Variants in ERBB4 observed in about 807,000 individuals in gnomAD.
ERBB4 encodes the protein erb-b2 receptor tyrosine kinase 4.
A neutral mutation model predicts 158.0 loss-of-function variants in ERBB4; 42 were observed. The ratio of observed to expected loss-of-function variants is 0.27; its 90% CI spans 0.21 to 0.34. ERBB4 has a LOEUF of 0.34. ERBB4 is among the 10% of genes least tolerant of loss of function. ERBB4 has a pLI of 1.00. For missense variants in ERBB4, 1,333 were observed against 1,624.1 expected, an observed-to-expected ratio of 0.82 and a Z score of 3.08; for synonymous variants, 583 against 558.7, an observed-to-expected ratio of 1.04 and a Z score of -0.61.
At chr2:212,125,107 G>T (rs2079882162) in intron 1 of ERBB4, 2 of 594,684 alleles carry the variant, frequency 3.4e-6, no homozygotes, top group Non-Finnish European at 6.0e-6. Context: ...GCTAATCACA[G>T]AGAGTAGGAA....
chr2:211,651,732 A>G (rs1265749350), intron 16 of ERBB4, among the ~76,000 whole-genome samples: 1 of 152,160 alleles, frequency 6.6e-6, no homozygotes, highest in Non-Finnish European at 1.5e-5. Context: ...GACAAGGAAT[A>G]CACATGGCTG....
chr2:211,505,819 G>T (rs1001975343), intron 20 of ERBB4, among the ~76,000 whole-genome samples: 1 of 152,034 alleles, frequency 6.6e-6, no homozygotes, highest in African/African-American at 2.4e-5. Context: ...AATTAGCTAG[G>T]CGTGGTAGTG....
At chr2:211,570,143 T>G (rs886683833) in intron 19 of ERBB4, among the ~76,000 whole-genome samples, 1 of 151,972 alleles carries the variant, frequency 6.6e-6, no homozygotes, top group African/African-American at 2.4e-5. Flanking sequence ...TATTTTTGTG[T>G]TTTTTATGTT....
intron 2 of ERBB4, among the ~76,000 whole-genome samples, chr2:212,101,738 T>C (rs2079089811): frequency 1.3e-5 from 2 of 151,788 alleles, no homozygotes; most frequent in South Asian, 4.2e-4. Flanking sequence ...TTTCATTTCC[T>C]TAAGAAAAAA....
At chr2:211,665,299 C>A (rs776514294) in intron 15 of ERBB4, 24 bp downstream of exon 15, 2 of 1,613,400 alleles carry the variant, frequency 1.2e-6, no homozygotes, top group South Asian at 1.1e-5. Context: ...ACCAGGTGAG[C>A]CCTTGGCCAG....
In ERBB4 at chr2:211,780,815, G is replaced by A. The variant is rs1286348988; in HGVS notation, c.556+7210C>T. Among the ~76,000 whole-genome samples, 21 of 151,792 alleles carry A rather than the reference G, an allele frequency of 1.4e-4. 1 individual carries two copies. The highest frequency in any genetic ancestry group is 8.5e-4 in the Admixed American group (13 of 15,242). On this transcript the variant is annotated intron_variant, in intron 4 of 27. Transcript: ENST00000342788. ...CAGGTCCATAAAAATCTGTTTTATC[G>A]GTATTTTAGAAAAATGATCTTTTGG...
intron 1 of ERBB4, among the ~76,000 whole-genome samples, chr2:212,309,991 G>T (rs1483491560): frequency 6.7e-6 from 1 of 150,312 alleles, no homozygotes; most frequent in Non-Finnish European, 1.5e-5. Context: ...AAATTTTAAG[G>T]CTCTAACTCC....
intron 19 of ERBB4, among the ~76,000 whole-genome samples, chr2:211,608,225 G>A (rs950431208): frequency 6.6e-6 from 1 of 152,126 alleles, no homozygotes; most frequent in Non-Finnish European, 1.5e-5. Flanking sequence ...CTTGAACAAA[G>A]CTTGATTTCC....
chr2:211,821,349 C>T (rs1008208723), intron 3 of ERBB4, among the ~76,000 whole-genome samples: 3 of 151,754 alleles, frequency 2.0e-5, no homozygotes, highest in Non-Finnish European at 4.4e-5. Flanking sequence ...AACTACAAAA[C>T]ACTGATGAAA....
At chr2:211,961,443 G>A (rs1164242389) in intron 2 of ERBB4, among the ~76,000 whole-genome samples, 2 of 152,108 alleles carry the variant, frequency 1.3e-5, no homozygotes, top group Non-Finnish European at 2.9e-5. Context: ...ACTTCCATGG[G>A]ACTTGCCTCA....
rs910229819 is a variant in ERBB4 at position 211,550,335 on chromosome 2, C to A, written c.2487+11568G>T. Among the ~76,000 whole-genome samples, 4 of 151,770 alleles carry A rather than the reference C, an allele frequency of 2.6e-5. No individual in the cohort carries two copies. The South Asian group carries it at 6.2e-4, about 24-fold the overall frequency. Reference sequence around the variant, plus strand: ...CTAACCCAAAGCCCCTGATAGCCACCACTCTACTCTCTGATACTATAGAAT... The same window carrying A: ...CTAACCCAAAGCCCCTGATAGCCACAACTCTACTCTCTGATACTATAGAAT... On this transcript the variant is annotated intron_variant, in intron 20 of 27. Transcript: ENST00000342788.
intron 4 of ERBB4, chr2:211,779,178 G>A (rs1337150303): frequency 6.6e-6 from 1 of 152,092 alleles, no homozygotes; most frequent in Non-Finnish European, 1.5e-5. Context: ...TATCCCTACT[G>A]GCATCAAGGT....
At chr2:212,060,959 T>TAATAAATAAATA (rs58630259) in intron 2 of ERBB4, among the ~76,000 whole-genome samples, 34 of 145,876 alleles carry the variant, frequency 2.3e-4, no homozygotes, top group South Asian at 4.3e-4. Flanking sequence ...TAAAGTATGA[T>TAATAAATAAATA]AATAAATAAA....
intron 20 of ERBB4, among the ~76,000 whole-genome samples, chr2:211,523,586 G>C (rs1057133162): frequency 4.0e-5 from 6 of 151,748 alleles, no homozygotes; most frequent in African/African-American, 1.5e-4. Context: ...GCAGACCTTC[G>C]CAGTGAGTGT....
intron 20 of ERBB4, among the ~76,000 whole-genome samples, chr2:211,437,364 A>G (rs933976879): frequency 1.3e-5 from 2 of 152,332 alleles, no homozygotes; most frequent in Admixed American, 1.3e-4. Context: ...TTAGAATTGA[A>G]TTTAACATTT....
chr2:212,323,367 A>T (rs1314310182), intron 1 of ERBB4, among the ~76,000 whole-genome samples: 1 of 150,652 alleles, frequency 6.6e-6, no homozygotes, highest in Non-Finnish European at 1.5e-5. Flanking sequence ...GAAAGCAAAG[A>T]CTATTTTAAG....
chr2:211,705,268 TA>T (rs780415063), intron 10 of ERBB4, 49 bp downstream of exon 10: 4 of 1,322,226 alleles, frequency 3.0e-6, no homozygotes, highest in East Asian at 2.3e-5. Context: ...GTGTAATTTT[TA>T]AAAAAATTAT....
intron 20 of ERBB4, among the ~76,000 whole-genome samples, chr2:211,544,208 T>G (rs964713689): frequency 2.0e-5 from 3 of 152,096 alleles, no homozygotes; most frequent in Non-Finnish European, 4.4e-5. Flanking sequence ...ATTCTGGAAT[T>G]ACTGTAATTT....
chr2:212,487,354 C>T (rs1287048099), intron 1 of ERBB4, among the ~76,000 whole-genome samples: 2 of 151,910 alleles, frequency 1.3e-5, no homozygotes, highest in South Asian at 4.1e-4. Flanking sequence ...ACTTTTATGT[C>T]TTATCTCATG....
Sources: gnomAD v4.1 joint callset for allele counts (sites outside exome capture counted in the v4.1 genomes callset) on GRCh38, gnomAD v4.1.1 for gene constraint, MANE v1.5 for transcripts, NCBI Gene and HGNC (gene_info 2026-07-23, HGNC 2026-07-21) for gene names.